CLSTN2: variants seen among roughly 807,000 people sequenced by gnomAD.
CLSTN2 encodes the protein calsyntenin-2.
CLSTN2 carries 48 observed loss-of-function variants against 101.2 expected under a neutral mutation model. The ratio of observed to expected loss-of-function variants is 0.47; its 90% CI spans 0.38 to 0.60. CLSTN2 has a LOEUF of 0.60. Ranked by LOEUF, CLSTN2 falls within the 20% of genes least tolerant of loss-of-function variation. CLSTN2 has a pLI of 0.00. For missense variants in CLSTN2, 1,160 were observed against 1,238.2 expected (o/e 0.94, Z 0.95); for synonymous variants, 481 against 463.6 (o/e 1.04, Z -0.48).
chr3:140,331,577 G>A (rs1229154543), intron 2 of CLSTN2, among the ~76,000 whole-genome samples: 4 of 152,184 alleles, frequency 2.6e-5, no homozygotes, highest in Non-Finnish European at 4.4e-5. Flanking sequence ...CATGGCTTCA[G>A]GTTGACATCT....
At chr3:140,347,467 A>G (rs187160073) in intron 2 of CLSTN2, among the ~76,000 whole-genome samples, 264 of 152,360 alleles carry the variant, frequency 1.7e-3, no homozygotes, top group African/African-American at 5.8e-3. Flanking sequence ...ATATTAACTC[A>G]TCATGATTCT....
At position 140,367,171 on chromosome 3, in the gene CLSTN2, G is replaced by A. The variant is rs557916957; in HGVS notation, c.233-36458G>A. ...GAGAAGAATTCAGCTACAGGGAAATGTATTTGGAACTTTACAATTATGGAA... is the reference window on the plus strand; with the variant it reads ...GAGAAGAATTCAGCTACAGGGAAATATATTTGGAACTTTACAATTATGGAA... On this transcript the variant is annotated intron_variant, in intron 2 of 16. Coordinates refer to ENST00000458420, the MANE Select transcript of CLSTN2 (RefSeq NM_022131.3). Among the ~76,000 whole-genome samples the A allele has an allele frequency of 2.0e-5, 3 of 152,322 alleles. No homozygotes were observed. The East Asian group carries it at 5.8e-4, about 29-fold the overall frequency.
intron 1 of CLSTN2, among the ~76,000 whole-genome samples, chr3:139,980,934 G>T (rs76410957): frequency 0.026 from 3,907 of 152,168 alleles, 185 homozygotes; most frequent in African/African-American, 0.088. Flanking sequence ...CATTGGGGAG[G>T]TCATTTACTG....
At chr3:139,944,120 C>G (rs1461075207) in intron 1 of CLSTN2, among the ~76,000 whole-genome samples, 1 of 152,180 alleles carries the variant, frequency 6.6e-6, no homozygotes, top group Non-Finnish European at 1.5e-5. Flanking sequence ...TAGATATTAA[C>G]TCATTCAGCC....
intron 1 of CLSTN2, among the ~76,000 whole-genome samples, chr3:140,045,767 C>T (rs1327338842): frequency 6.6e-5 from 10 of 152,284 alleles, no homozygotes; most frequent in Admixed American, 3.3e-4. Flanking sequence ...GCCTTCATTT[C>T]GTTATGTACC....
intron 2 of CLSTN2, among the ~76,000 whole-genome samples, chr3:140,221,281 T>C (rs902949125): frequency 2.6e-5 from 4 of 152,192 alleles, no homozygotes; most frequent in African/African-American, 9.7e-5. Context: ...GTAAAAAAAT[T>C]ATTTATCTTA....
chr3:140,135,113 C>T (rs1251040101), intron 1 of CLSTN2, among the ~76,000 whole-genome samples: 533 of 51,636 alleles, frequency 0.01, 3 homozygotes, highest in African/African-American at 0.043. Flanking sequence ...CACACACACA[C>T]ACACATATAT....
chr3:140,043,082 C>T (rs913136285), intron 1 of CLSTN2, among the ~76,000 whole-genome samples: 2 of 152,164 alleles, frequency 1.3e-5, no homozygotes, highest in African/African-American at 4.8e-5. Context: ...AGTTCTAGAT[C>T]CCTGAGGAAT....
intron 1 of CLSTN2, among the ~76,000 whole-genome samples, chr3:140,048,288 A>T (rs1232552868): frequency 6.6e-6 from 1 of 152,222 alleles, no homozygotes; most frequent in African/African-American, 2.4e-5. Context: ...CATGGACCAT[A>T]TCTTGGGAAA....
In CLSTN2 at chr3:140,575,572, A is replaced by G. The variant is rs1168009756; in HGVS notation, c.*9319A>G. 6.6e-6 allele frequency: 1 copy of G among 152,262 alleles called. No individual in the cohort carries two copies. The highest frequency in any genetic ancestry group is 2.4e-5 in the African/African-American group (1 of 41,470). The allele number at this position is 152,262 out of a possible 1,614,324, so 9.4% of individuals were successfully genotyped here. ...ATGTCCTGAGCTGGACAGGGTGGGC[A>G]GGAGGTTGAAGAAAACCAGTTGGTG... is the stretch of plus-strand genomic sequence containing the variant. On this transcript the variant is annotated 3_prime_UTR_variant, in exon 17 of 17. Transcript: ENST00000458420.
intron 2 of CLSTN2, among the ~76,000 whole-genome samples, chr3:140,339,666 C>G (rs1161033221): frequency 6.6e-6 from 1 of 152,194 alleles, no homozygotes; most frequent in Non-Finnish European, 1.5e-5. Flanking sequence ...GATGTTGTGT[C>G]CTTAGCGAAA....
At chr3:140,280,951 A>G (rs750400679) in intron 2 of CLSTN2, among the ~76,000 whole-genome samples, 2 of 152,234 alleles carry the variant, frequency 1.3e-5, no homozygotes, top group Admixed American at 1.3e-4. Context: ...AGGGTGCTGT[A>G]TTGAGAAGGA....
intron 9 of CLSTN2, among the ~76,000 whole-genome samples, chr3:140,535,439 C>T (rs1935339163): frequency 6.6e-6 from 1 of 152,138 alleles, no homozygotes; most frequent in African/African-American, 2.4e-5. Context: ...AAAGCCATTC[C>T]ACAAAAATGA....
chr3:140,123,469 T>C (rs1021389921), intron 1 of CLSTN2, among the ~76,000 whole-genome samples: 8 of 152,084 alleles, frequency 5.3e-5, no homozygotes, highest in African/African-American at 1.9e-4. Context: ...ACAGTAAACC[T>C]CCCTGAGTGC....
chr3:140,324,097 T>A (rs1054008440), intron 2 of CLSTN2, among the ~76,000 whole-genome samples: 1 of 152,228 alleles, frequency 6.6e-6, no homozygotes, highest in Non-Finnish European at 1.5e-5. Context: ...ACATGATATT[T>A]TGTTGCCAGA....
intron 1 of CLSTN2, among the ~76,000 whole-genome samples, chr3:140,021,620 G>A (rs1305226228): frequency 6.6e-6 from 1 of 152,094 alleles, no homozygotes; most frequent in Non-Finnish European, 1.5e-5. Flanking sequence ...TGCTCCAGGA[G>A]CACCAAGGAA....
At chr3:140,279,105 G>T (rs2107895228) in intron 2 of CLSTN2, among the ~76,000 whole-genome samples, 1 of 152,322 alleles carries the variant, frequency 6.6e-6, no homozygotes, top group East Asian at 1.9e-4. Flanking sequence ...AAGTATATTT[G>T]TGTCTGGCTT....
chr3:140,385,203 A>C (rs1006982094), intron 2 of CLSTN2, among the ~76,000 whole-genome samples: 1 of 152,132 alleles, frequency 6.6e-6, no homozygotes, highest in Non-Finnish European at 1.5e-5. Flanking sequence ...ACTAAGGCAG[A>C]AGTAAGCCAG....
chr3:140,348,767 C>A (rs959338436), intron 2 of CLSTN2, among the ~76,000 whole-genome samples: 3 of 152,170 alleles, frequency 2.0e-5, no homozygotes, highest in Non-Finnish European at 4.4e-5. Context: ...CTTCTATTTC[C>A]TGTACTGGAG....
Sources: gnomAD v4.1 joint callset for allele counts (sites outside exome capture counted in the v4.1 genomes callset) on GRCh38, gnomAD v4.1.1 for gene constraint, MANE v1.5 for transcripts, NCBI Gene and HGNC (gene_info 2026-07-23, HGNC 2026-07-21) for gene names.